The following STAT4 variants were observed in gnomAD, a reference collection of about 807,000 sequenced individuals.
The protein encoded by STAT4 is signal transducer and activator of transcription 4.
STAT4 carries 42 observed loss-of-function variants against 110.5 expected under a neutral mutation model. That is an observed-to-expected ratio of 0.38 (90% confidence interval 0.30 to 0.49). The LOEUF is 0.49. Among genes scored for constraint, STAT4 ranks in the 20% least tolerant of loss-of-function variants. The pLI, the probability that STAT4 is intolerant of heterozygous loss-of-function variation, is 0.95. For missense variants in STAT4, 632 were observed against 887.9 expected (o/e 0.71, Z 3.66); for synonymous variants, 284 against 302.2 (o/e 0.94, Z 0.63).
rs1265944991 is a variant in STAT4, at chr2:191,140,396, CA to C, written c.273+6216del. ...TCTGCAAGGAACTCAAACAAATCAG[CA>C]AAAAAACTAATAATAATCCCATCAA... On this transcript the variant is annotated intron_variant, in intron 3 of 23. Transcript: ENST00000392320. The surrounding 1 kb of genome is among the most constrained non-coding windows in gnomAD (Gnocchi z 4.4). 1.3e-5 allele frequency among the ~76,000 whole-genome samples: 2 copies of C among 151,942 alleles called. No homozygotes were observed. Among genetic ancestry groups the C allele is most frequent in the African/African-American group, 2.4e-5 (1 of 41,364 alleles).
At chr2:191,092,634 C>A (rs1697831122) in intron 3 of STAT4, among the ~76,000 whole-genome samples, 1 of 152,100 alleles carries the variant, frequency 6.6e-6, no homozygotes, top group Non-Finnish European at 1.5e-5. Context: ...GTGATTGATG[C>A]AGAAGACAGA....
Position 191,053,424 on chromosome 2 carries a change from G to GA in STAT4, c.1251+1065_1251+1066insT, listed in dbSNP as rs755987162. Among the ~76,000 whole-genome samples, 18 of 152,154 alleles carry GA rather than the reference G, an allele frequency of 1.2e-4. No homozygotes were observed. Among genetic ancestry groups the GA allele is most frequent in the Admixed American group, 6.5e-5 (1 of 15,276 alleles). On this transcript the variant is annotated intron_variant, in intron 14 of 23. Coordinates refer to ENST00000392320, the MANE Select transcript of STAT4 (RefSeq NM_003151.4). The surrounding 1 kb of genome is among the most constrained non-coding windows in gnomAD (Gnocchi z 4.5). ...TGGCAGAGCATGTACTCAAACCCAG[G>GA]TTTTCTAGTTCCAAATATATAGGTC... is the stretch of plus-strand genomic sequence containing the variant.
intron 3 of STAT4, among the ~76,000 whole-genome samples, chr2:191,081,306 G>A (rs1209983820): frequency 1.3e-5 from 2 of 152,158 alleles, no homozygotes; most frequent in African/African-American, 4.8e-5. Context: ...AAACATATGT[G>A]TGCATGTGTC....
At chr2:191,094,483 C>T (rs1339722403) in intron 3 of STAT4, among the ~76,000 whole-genome samples, 1 of 152,128 alleles carries the variant, frequency 6.6e-6, no homozygotes, top group Non-Finnish European at 1.5e-5. Flanking sequence ...CATATCCAGC[C>T]AAACTAAGCT....
chr2:191,061,536 G>T lies in STAT4; in HGVS notation c.1034+193C>A, dbSNP rs1696848847. 6.6e-6 allele frequency among the ~76,000 whole-genome samples: 1 copy of T among 152,104 alleles called. No homozygotes were observed. The highest frequency in any genetic ancestry group is 2.1e-4 in the South Asian group (1 of 4,818). On this transcript the variant is annotated intron_variant, in intron 10 of 23. Coordinates refer to ENST00000392320, the MANE Select transcript of STAT4 (RefSeq NM_003151.4). This position sits in a 1 kb window ranked among gnomAD's most constrained non-coding sequence, Gnocchi z 6.2. ...TATCCCTTATGTCCTCATCTGCACTGTCATGCTCTTGACAAGCAGGGCTCT... is the reference window on the plus strand; with the variant it reads ...TATCCCTTATGTCCTCATCTGCACTTTCATGCTCTTGACAAGCAGGGCTCT...
rs1574687918 is a variant in STAT4, at chr2:191,029,857, G to A, written c.2230C>T (p.Pro744Ser). ...PTTIETAMKS[P>S]YSAE ...TTATCCTGTCATTCAGCAGAATAAG[G>A]AGACTTCATCTAAAATTAAAAATGA... Residue 744 changes from proline to serine, a missense_variant, in exon 24 of 24, where the codon CCT (proline) becomes TCT (serine). By Grantham distance (74) the Pro-to-Ser change is moderately conservative (BLOSUM62 -1). This residue lies in a region of STAT4 where 32 missense variants were observed against 67.6 expected (regional missense o/e 0.47). Transcript: ENST00000392320. The surrounding 1 kb of genome is among the most constrained non-coding windows in gnomAD (Gnocchi z 4.5). 6.3e-7 allele frequency: 1 copy of A among 1,595,780 alleles called. No individual in the cohort carries two copies. The highest frequency in any genetic ancestry group is 8.5e-7 in the Non-Finnish European group (1 of 1,173,564).
chr2:191,139,849 A>G, intron 3 of STAT4, among the ~76,000 whole-genome samples: 1 of 152,216 alleles, frequency 6.6e-6, no homozygotes, highest in Non-Finnish European at 1.5e-5. Flanking sequence ...CCCAACTTCA[A>G]ATTATATTAG....
rs1230527832 is a variant in STAT4 at position 191,112,970 on chromosome 2, A to C, written c.273+33643T>G. 6.6e-6 allele frequency among the ~76,000 whole-genome samples: 1 copy of C among 152,256 alleles called. No homozygotes were observed. On this transcript the variant is annotated intron_variant, in intron 3 of 23. Transcript: ENST00000392320. The surrounding 1 kb of genome is among the most constrained non-coding windows in gnomAD (Gnocchi z 4.3). Reference sequence around the variant, plus strand: ...CTACCAGTTCACTTTGCTCCCTAGCAGGAAGGGCATTCCCATAGCTCTCTG... The same window carrying C: ...CTACCAGTTCACTTTGCTCCCTAGCCGGAAGGGCATTCCCATAGCTCTCTG...
At chr2:191,129,294 T>A (rs1698966331) in intron 3 of STAT4, among the ~76,000 whole-genome samples, 1 of 152,078 alleles carries the variant, frequency 6.6e-6, no homozygotes, top group Non-Finnish European at 1.5e-5. Context: ...GATGGACTTT[T>A]AAAAATGTCA....
chr2:191,128,766 C>A (rs561507156), intron 3 of STAT4, among the ~76,000 whole-genome samples: 316 of 152,284 alleles, frequency 2.1e-3, no homozygotes, highest in Non-Finnish European at 2.9e-3. Context: ...GTGAAAAATA[C>A]TGTATAGGCA....
At position 191,061,180 on chromosome 2, in the gene STAT4, A is replaced by G. The variant is rs1444012561; in HGVS notation, c.1034+549T>C. On this transcript the variant is annotated intron_variant, in intron 10 of 23. Transcript: ENST00000392320. This position sits in a 1 kb window ranked among gnomAD's most constrained non-coding sequence, Gnocchi z 6.2. ...TATGTCTTTAAATCAGGTACACAAT[A>G]GGGACATATGGAAAACTGTGGTATT... is the stretch of plus-strand genomic sequence containing the variant. Among the ~76,000 whole-genome samples the G allele has an allele frequency of 6.6e-6, 1 of 152,214 alleles. No homozygotes were observed. Among genetic ancestry groups the G allele is most frequent in the African/African-American group, 2.4e-5 (1 of 41,454 alleles).
chr2:191,080,051 G>T (rs1173673300), intron 3 of STAT4, among the ~76,000 whole-genome samples: 1 of 151,968 alleles, frequency 6.6e-6, no homozygotes, highest in Non-Finnish European at 1.5e-5. Flanking sequence ...TCTACTCTGT[G>T]AATTTTTCTT....
At chr2:191,040,755 G>A (rs1179583359) in intron 15 of STAT4, among the ~76,000 whole-genome samples, 4 of 151,876 alleles carry the variant, frequency 2.6e-5, no homozygotes, top group African/African-American at 9.7e-5. Flanking sequence ...AGAGGTGGGG[G>A]TTTTCACCCT....
chr2:191,061,265 G>A lies in STAT4; in HGVS notation c.1034+464C>T, dbSNP rs149822646. Among the ~76,000 whole-genome samples the A allele has an allele frequency of 1.3e-5, 2 of 152,120 alleles. No homozygotes were observed. The highest frequency in any genetic ancestry group is 1.9e-4 in the East Asian group (1 of 5,192). On this transcript the variant is annotated intron_variant, in intron 10 of 23. Coordinates refer to ENST00000392320, the MANE Select transcript of STAT4 (RefSeq NM_003151.4). This position sits in a 1 kb window ranked among gnomAD's most constrained non-coding sequence, Gnocchi z 6.2. ...CTGGGTAATCTCAGGAGATGAATGT[G>A]CCACTGTGTTTCCTGGATAGGATAT...
intron 3 of STAT4, among the ~76,000 whole-genome samples, chr2:191,085,035 T>C (rs950952693): frequency 2.5e-4 from 38 of 151,792 alleles, no homozygotes; most frequent in Non-Finnish European, 2.4e-4. Context: ...AAAATATTTT[T>C]ATCTTTTGAG....
At chr2:191,126,263 C>T (rs1463669513) in intron 3 of STAT4, among the ~76,000 whole-genome samples, 1 of 152,110 alleles carries the variant, frequency 6.6e-6, no homozygotes, top group Admixed American at 6.6e-5. Context: ...TGAGCTGTCT[C>T]GGTTTTGATT....
intron 5 of STAT4, among the ~76,000 whole-genome samples, chr2:191,071,755 A>G (rs2125255039): frequency 6.6e-6 from 1 of 152,370 alleles, no homozygotes; most frequent in East Asian, 1.9e-4. Flanking sequence ...TTTGCCTAAA[A>G]GTCAGGCCAG....
rs182787848 is a variant in STAT4, at chr2:191,029,915, A to G, written c.2221-49T>C. The G allele has an allele frequency of 1.2e-4, 172 of 1,409,616 alleles. 1 individual carries two copies. The Admixed American group carries it at 3.1e-3, about 26-fold the overall frequency. The allele number at this position is 1,409,616 out of a possible 1,614,324, so 87.3% of individuals were successfully genotyped here. On this transcript the variant is annotated intron_variant, in intron 23 of 23. Transcript: ENST00000392320. This position sits in a 1 kb window ranked among gnomAD's most constrained non-coding sequence, Gnocchi z 4.5. ...CTTTGAGGAAACTACTGGTTTTCAA[A>G]TCAATCACTATTTCTTGGGCAAATA... is the stretch of plus-strand genomic sequence containing the variant.
intron 3 of STAT4, among the ~76,000 whole-genome samples, chr2:191,088,706 TGGTACA>T (rs1013453050): frequency 6.6e-6 from 1 of 152,184 alleles, no homozygotes; most frequent in Non-Finnish European, 1.5e-5. Flanking sequence ...CAAGACAGTG[TGGTACA>T]GGTAAAAGAA....
Sources: allele counts gnomAD v4.1 joint callset (sites outside exome capture counted in the v4.1 genomes callset), GRCh38; gene constraint gnomAD v4.1.1; regional missense constraint gnomAD v4.1.1; non-coding constraint Gnocchi (gnomAD v3.1); transcripts MANE v1.5; gene names NCBI Gene and HGNC (gene_info 2026-07-23, HGNC 2026-07-21).